The following DNAH12 variants were observed in gnomAD, a reference collection of about 807,000 sequenced individuals.
DNAH12 encodes the protein axonemal beta dynein heavy chain 12.
In DNAH12, 285 loss-of-function variants were observed where a neutral mutation model predicts 371.5. The observed-to-expected ratio is 0.77, with a 90% CI of 0.70 to 0.85. The LOEUF is 0.85. Among genes scored for constraint, DNAH12 ranks in the 40% least tolerant of loss-of-function variants. DNAH12 has a pLI of 0.00. For synonymous variants in DNAH12, 1,200 were observed against 1,213.0 expected (o/e 0.99, Z 0.22); for missense variants, 3,611 against 3,689.4 (o/e 0.98, Z 0.55).
At chr3:57,453,070 A>C in intron 24 of DNAH12, 55 bp from the exon 25 acceptor site, 1 of 1,494,338 alleles carries the variant, frequency 6.7e-7, no homozygotes, top group Non-Finnish European at 8.9e-7. Context: ...AATAATTTTA[A>C]AAAGAAGTAT....
At chr3:57,347,862 T>C (rs2062579267) in intron 60 of DNAH12, among the ~76,000 whole-genome samples, 1 of 152,110 alleles carries the variant, frequency 6.6e-6, no homozygotes, top group African/African-American at 2.4e-5. Context: ...CACTAAACAC[T>C]ATTAAAATGG....
chr3:57,443,804 A>G (rs145932234), intron 29 of DNAH12, among the ~76,000 whole-genome samples: 5 of 152,250 alleles, frequency 3.3e-5, no homozygotes, highest in African/African-American at 1.2e-4. Context: ...TCTATCTAAT[A>G]AAATACACAA....
rs748198986 is a variant in DNAH12 at position 57,445,562 on chromosome 3, T to C, written c.4180-143A>G. ...TCTAAACTCTAATTTTTTTTAGTAG[T>C]ACTTTTAATATTTTTATGCAGTTAG... On this transcript the variant is annotated intron_variant, in intron 27 of 73. Transcript: ENST00000495027. 2.7e-5 allele frequency: 19 copies of C among 695,838 alleles called. 1 individual carries two copies. The highest frequency in any genetic ancestry group is 3.6e-5 in the Non-Finnish European group (18 of 493,192). 43.1% of individuals were successfully genotyped at this position (695,838 alleles called of 1,614,324 possible). A position where few individuals can be genotyped will look rare whatever the true frequency, so the allele number is the denominator to read the frequency against.
chr3:57,327,872 A>T (rs1359538869), intron 62 of DNAH12, among the ~76,000 whole-genome samples: 1 of 152,202 alleles, frequency 6.6e-6, no homozygotes, highest in East Asian at 1.9e-4. Context: ...AAAATGATAA[A>T]GGGGATATCA....
chr3:57,321,886 C>T (rs528730577), intron 65 of DNAH12, among the ~76,000 whole-genome samples: 9 of 152,170 alleles, frequency 5.9e-5, no homozygotes, highest in Admixed American at 1.3e-4. Flanking sequence ...GGTGGATATA[C>T]GAAAAAGCAC....
intron 60 of DNAH12, among the ~76,000 whole-genome samples, chr3:57,347,636 A>G (rs1333377059): frequency 1.3e-5 from 2 of 151,844 alleles, no homozygotes; most frequent in African/African-American, 4.8e-5. Context: ...GAATCGATTG[A>G]ACCCAGGAGG....
chr3:57,370,485 G>A (rs1575513137), intron 55 of DNAH12, among the ~76,000 whole-genome samples: 1 of 152,164 alleles, frequency 6.6e-6, no homozygotes, highest in African/African-American at 2.4e-5. Context: ...GAACCCAAAT[G>A]TCCTGACTCC....
intron 8 of DNAH12, among the ~76,000 whole-genome samples, chr3:57,506,790 G>A (rs2067777058): frequency 6.6e-6 from 1 of 151,988 alleles, no homozygotes; most frequent in African/African-American, 2.4e-5. Context: ...CACACTACTG[G>A]GTGAAGGTAA....
In DNAH12 at chr3:57,295,526, T is replaced by G; in HGVS notation, c.11691A>C (p.Pro3897=). The G allele has an allele frequency of 1.3e-6, 2 of 1,547,214 alleles. No individual in the cohort carries two copies. Among genetic ancestry groups the G allele is most frequent in the South Asian group, 2.4e-5 (2 of 83,006 alleles). The change falls in exon 73 of 74, where the codon CCA becomes CCC. Residue 3897 remains proline, a splice_region_variant and synonymous_variant. Transcript: ENST00000495027. ...AAATTTTGTTGAGAGAATATTTACT[T>G]GGTTTTATCCATATGATGGGCATCA... ...FDLMPIIWIK[P]TQKSRIIKSD...
chr3:57,452,828 A>T lies in DNAH12; in HGVS notation c.3786+15T>A. 7 of 1,527,056 alleles carry T rather than the reference A, an allele frequency of 4.6e-6. No individual in the cohort carries two copies. Among genetic ancestry groups the T allele is most frequent in the Non-Finnish European group, 6.1e-6 (7 of 1,138,494 alleles). 94.6% of individuals were successfully genotyped at this position (1,527,056 alleles called of 1,614,324 possible). A position where few individuals can be genotyped will look rare whatever the true frequency, so the allele number is the denominator to read the frequency against. On this transcript the variant is annotated intron_variant, in intron 25 of 73. Transcript: ENST00000495027. ...TAATTATTAATGTGTGAATTAAGAT[A>T]ATTTAAATGCATACCAATGTTCTGT... is the stretch of plus-strand genomic sequence containing the variant.
chr3:57,299,363 T>C (rs1434212363), intron 70 of DNAH12, among the ~76,000 whole-genome samples: 1 of 152,034 alleles, frequency 6.6e-6, no homozygotes, highest in Non-Finnish European at 1.5e-5. Context: ...TAACAGTGAG[T>C]TGAATATTAT....
Position 57,521,294 on chromosome 3 carries a change from T to A in DNAH12, c.279+2289A>T, listed in dbSNP as rs539691661. ...GGGAGCTTTAGGCTGAGGTTTTTTT[T>A]ATTTTATGGATATCCAATTGCTTTC... On this transcript the variant is annotated intron_variant, in intron 4 of 73. Transcript: ENST00000495027. Among the ~76,000 whole-genome samples the A allele has an allele frequency of 1.7e-4, 26 of 152,192 alleles. No homozygotes were observed. In the East Asian group the frequency reaches 4.6e-3, roughly 27 times the overall value.
Position 57,433,432 on chromosome 3 carries a change from A to G in DNAH12, c.4915T>C (p.Phe1639Leu). The change falls in exon 32 of 74, where the codon TTT (phenylalanine) becomes CTT (leucine). Residue 1639 changes from phenylalanine to leucine, a missense_variant. Phe to Leu is a conservative substitution (Grantham distance 22). Around this residue, in one of 3 missense-constraint regions of DNAH12, gnomAD observed 2,266 missense variants for 2,236.9 expected, o/e 1.01. Coordinates refer to ENST00000495027, the MANE Select transcript of DNAH12 (RefSeq NM_001366028.2). ...SETPDRKWVV[F>L]DGPIDTLWIE... is the part of the protein sequence containing the mutation. The stretch of plus-strand genomic sequence containing the variant: ...CACAAAGTGTCAATAGGACCATCAA[A>G]TACAACCCATTTCCGGTCAGGTGTT... The G allele has an allele frequency of 6.4e-7, 1 of 1,551,574 alleles. No individual in the cohort carries two copies. The highest frequency in any genetic ancestry group is 1.2e-5 in the South Asian group (1 of 84,056).
At chr3:57,369,228 A>AATATATAT (rs1189250482) in intron 55 of DNAH12, among the ~76,000 whole-genome samples, 1 of 131,732 alleles carries the variant, frequency 7.6e-6, no homozygotes, top group South Asian at 2.3e-4. Flanking sequence ...TTAAAAAAAA[A>AATATATAT]ATATATATAT....
At chr3:57,456,108 A>C (rs1033836167) in intron 22 of DNAH12, among the ~76,000 whole-genome samples, 1 of 152,236 alleles carries the variant, frequency 6.6e-6, no homozygotes, top group African/African-American at 2.4e-5. Context: ...GCTTCAAAGA[A>C]GGATGAATGG....
chr3:57,499,297 C>T (rs549476640), intron 11 of DNAH12, among the ~76,000 whole-genome samples: 10 of 151,838 alleles, frequency 6.6e-5, no homozygotes, highest in South Asian at 6.2e-4. Flanking sequence ...GTGATGGTTA[C>T]GTAAGTGTAC....
At chr3:57,504,304 C>T (rs2067667968) in intron 8 of DNAH12, 100 bp from the exon 9 acceptor site, 1 of 1,080,078 alleles carries the variant, frequency 9.3e-7, no homozygotes. Context: ...TTATAATTGT[C>T]TATAATTAAA....
At chr3:57,466,067 TTCACACAC>T (rs2066192396) in intron 17 of DNAH12, among the ~76,000 whole-genome samples, 1 of 81,944 alleles carries the variant, frequency 1.2e-5, no homozygotes, top group Non-Finnish European at 2.7e-5. Flanking sequence ...ACACATGCAA[TTCACACAC>T]ACACACACAC....
intron 19 of DNAH12, among the ~76,000 whole-genome samples, chr3:57,460,309 T>C (rs2066020741): frequency 6.6e-6 from 1 of 152,070 alleles, no homozygotes; most frequent in African/African-American, 2.4e-5. Context: ...GAAATCCTGC[T>C]CTACTCTACA....
Sources: gnomAD v4.1 joint callset for allele counts (sites outside exome capture counted in the v4.1 genomes callset) on GRCh38, gnomAD v4.1.1 for gene constraint, gnomAD v4.1.1 regional missense constraint, MANE v1.5 for transcripts, NCBI Gene and HGNC (gene_info 2026-07-23, HGNC 2026-07-21) for gene names.